ARIH2: variants seen among roughly 807,000 people sequenced by gnomAD.
ARIH2 encodes the protein ariadne RBR E3 ubiquitin protein ligase 2.
In ARIH2, 12 loss-of-function variants were observed where a neutral mutation model predicts 79.8. That is an observed-to-expected ratio of 0.15 (90% confidence interval 0.10 to 0.24). The LOEUF is 0.24. Ranked by LOEUF, ARIH2 falls within the 10% of genes least tolerant of loss-of-function variation. The probability of loss-of-function intolerance (pLI) is 1.00; values close to 1 mark genes in which losing one functional copy is unlikely to be tolerated. For synonymous variants in ARIH2, 224 were observed against 213.9 expected (o/e 1.05, Z -0.41); for missense variants, 301 against 618.3 (o/e 0.49, Z 5.44).
chr3:48,966,509 C>T (rs903588904), intron 5 of ARIH2, among the ~76,000 whole-genome samples: 2 of 148,812 alleles, frequency 1.3e-5, no homozygotes, highest in Non-Finnish European at 1.5e-5. Flanking sequence ...TAGTTGGTGT[C>T]TCCACATCCC....
At chr3:48,933,235 G>GGTGTGTGTGT (rs57911300) in intron 3 of ARIH2, among the ~76,000 whole-genome samples, 1 of 134,314 alleles carries the variant, frequency 7.4e-6, no homozygotes, top group African/African-American at 2.8e-5. Context: ...CACATGCCCG[G>GGTGTGTGTGT]GTGTGTGTGT....
chr3:48,974,293 G>A (rs534829786), intron 9 of ARIH2, among the ~76,000 whole-genome samples: 18 of 152,300 alleles, frequency 1.2e-4, no homozygotes, highest in South Asian at 6.2e-4. Context: ...GCACAGTTAC[G>A]ATAACGACAT....
At chr3:48,940,387 AAG>A (rs200771074) in intron 3 of ARIH2, among the ~76,000 whole-genome samples, 69 of 151,254 alleles carry the variant, frequency 4.6e-4, no homozygotes, top group African/African-American at 1.6e-3. Flanking sequence ...GATAGATAAA[AAG>A]AGAGAGAGAG....
chr3:48,933,541 C>CT lies in ARIH2; in HGVS notation c.255+5750dup, dbSNP rs779068845. On this transcript the variant is annotated intron_variant, in intron 3 of 15. Coordinates refer to ENST00000356401, the MANE Select transcript of ARIH2 (RefSeq NM_006321.4). Reference sequence around the variant, plus strand: ...GTGGCATAGTGAAGTATATTGCTCACTTTTTTTTTTTTTTTTTTTTTTAGT... The same window carrying CT: ...GTGGCATAGTGAAGTATATTGCTCACTTTTTTTTTTTTTTTTTTTTTTTAGT... Among the ~76,000 whole-genome samples, 1,120 of 125,856 alleles carry CT rather than the reference C, an allele frequency of 8.9e-3. 16 individuals are homozygous for CT. The highest frequency in any genetic ancestry group is 0.022 in the African/African-American group (762 of 33,910). The allele number at this position is 125,856 out of a possible 152,430, so 82.6% of individuals were successfully genotyped here. A position where few individuals can be genotyped will look rare whatever the true frequency, so the allele number is the denominator to read the frequency against.
intron 11 of ARIH2, among the ~76,000 whole-genome samples, chr3:48,976,600 G>A (rs1323410034): frequency 6.6e-6 from 1 of 152,182 alleles, no homozygotes; most frequent in African/African-American, 2.4e-5. Flanking sequence ...GCCATGGGTA[G>A]TGGCATATTT....
At chr3:48,974,779 TGG>T in intron 9 of ARIH2, 36 bp from the exon 10 acceptor site, 1 of 1,610,336 alleles carries the variant, frequency 6.2e-7, no homozygotes, top group Non-Finnish European at 8.5e-7. Context: ...ACCAACCTGG[TGG>T]TGTGTGAGCC....
intron 5 of ARIH2, among the ~76,000 whole-genome samples, 154 bp downstream of exon 5, chr3:48,965,136 C>T (rs947014264): frequency 6.6e-6 from 1 of 151,354 alleles, no homozygotes; most frequent in Non-Finnish European, 1.5e-5. Flanking sequence ...GGGTGGATTA[C>T]GAGGTCAGGA....
chr3:48,950,083 T>C (rs2089754679), intron 3 of ARIH2, among the ~76,000 whole-genome samples: 1 of 152,208 alleles, frequency 6.6e-6, no homozygotes, highest in African/African-American at 2.4e-5. Flanking sequence ...ATGTGAACTC[T>C]TTTGAGTTAA....
At chr3:48,964,177 T>C (rs2091550782) in intron 4 of ARIH2, among the ~76,000 whole-genome samples, 2 of 151,800 alleles carry the variant, frequency 1.3e-5, no homozygotes, top group African/African-American at 4.8e-5. Flanking sequence ...ATTACAGGCA[T>C]GAGCCAACAC....
intron 3 of ARIH2, chr3:48,945,317 A>G: frequency 1.4e-6 from 1 of 697,242 alleles, no homozygotes; most frequent in Non-Finnish European, 2.1e-6. Context: ...GAGGAGACTA[A>G]AAAGATAAAG....
At chr3:48,923,201 C>A (rs1352406018) in intron 2 of ARIH2, among the ~76,000 whole-genome samples, 1 of 149,786 alleles carries the variant, frequency 6.7e-6, no homozygotes, top group Non-Finnish European at 1.5e-5. Context: ...AGCGAGACTC[C>A]GTCTCAAAAA....
intron 3 of ARIH2, among the ~76,000 whole-genome samples, chr3:48,951,025 C>T (rs2089891853): frequency 1.3e-5 from 2 of 149,170 alleles, no homozygotes; most frequent in Admixed American, 1.4e-4. Flanking sequence ...TGCAGTAGAG[C>T]TATCATGGTT....
intron 8 of ARIH2, among the ~76,000 whole-genome samples, chr3:48,971,284 G>A (rs1269698380): frequency 6.6e-6 from 1 of 152,074 alleles, no homozygotes; most frequent in African/African-American, 2.4e-5. Flanking sequence ...TTTCTCTGTA[G>A]CCCAGGCTGG....
chr3:48,969,637 A>G (rs564141658), intron 7 of ARIH2, among the ~76,000 whole-genome samples: 1 of 151,498 alleles, frequency 6.6e-6, no homozygotes, highest in Non-Finnish European at 1.5e-5. Flanking sequence ...ACTGGCGCGC[A>G]CCACCAAACC....
intron 6 of ARIH2, 100 bp downstream of exon 6, chr3:48,967,375 C>T: frequency 7.5e-7 from 1 of 1,338,090 alleles, no homozygotes; most frequent in Non-Finnish European, 1.0e-6. Context: ...TCTTCTGAGC[C>T]TGATTGGGGT....
chr3:48,938,330 T>C (rs562196232), intron 3 of ARIH2, among the ~76,000 whole-genome samples: 1 of 152,306 alleles, frequency 6.6e-6, no homozygotes, highest in South Asian at 2.1e-4. Context: ...CAGATGTCTG[T>C]GGTAGTTTTA....
At chr3:48,944,888 T>C in intron 3 of ARIH2, 1 of 357,292 alleles carries the variant, frequency 2.8e-6, no homozygotes, top group South Asian at 2.1e-5. Context: ...CTCTTTAGGC[T>C]GATTTTCCTA....
At position 48,931,399 on chromosome 3, in the gene ARIH2, A is replaced by G. The variant is rs573865647; in HGVS notation, c.255+3586A>G. 5.3e-5 allele frequency among the ~76,000 whole-genome samples: 8 copies of G among 152,066 alleles called. No individual in the cohort carries two copies. The East Asian group carries it at 1.6e-3, about 30-fold the overall frequency. ...TCTCTACTAAAAATACAAACAAAAA[A>G]TTAGTCGGGTGTGGTGACACATGCC... On this transcript the variant is annotated intron_variant, in intron 3 of 15. Transcript: ENST00000356401.
At chr3:48,934,798 G>T (rs1026615495) in intron 3 of ARIH2, 2 of 985,212 alleles carry the variant, frequency 2.0e-6, no homozygotes, top group Non-Finnish European at 2.4e-6. Flanking sequence ...TATTGTCATC[G>T]CTGTGTACCT....
Sources: allele counts gnomAD v4.1 joint callset (sites outside exome capture counted in the v4.1 genomes callset), GRCh38; gene constraint gnomAD v4.1.1; transcripts MANE v1.5; gene names NCBI Gene and HGNC (gene_info 2026-07-23, HGNC 2026-07-21).